The following FOXP1 variants were observed in gnomAD, a reference collection of about 807,000 sequenced individuals.
The protein encoded by FOXP1 is forkhead box P1, also known as forkhead box protein P1.
FOXP1 carries 15 observed loss-of-function variants against 98.2 expected under a neutral mutation model. The observed-to-expected ratio is 0.15, with a 90% confidence interval of 0.10 to 0.24. FOXP1 has a LOEUF of 0.24. Among genes scored for constraint, FOXP1 ranks in the 10% least tolerant of loss-of-function variants. The pLI is 1.00. For missense variants in FOXP1, 633 were observed against 848.5 expected, an observed-to-expected ratio of 0.75 and a Z score of 3.15; for synonymous variants, 371 against 314.5, an observed-to-expected ratio of 1.18 and a Z score of -1.90.
intron 5 of FOXP1, among the ~76,000 whole-genome samples, chr3:71,279,172 C>CAAAAAAAAAAAAAAAAAA (rs11308828): frequency 3.9e-4 from 27 of 69,776 alleles, no homozygotes; most frequent in East Asian, 7.9e-4. Flanking sequence ...AACTCCATCT[C>CAAAAAAAAAAAAAAAAAA]AAAAAAAAAA....
At chr3:71,064,939 G>A (rs909659182) in intron 7 of FOXP1, 174 of 276,848 alleles carry the variant, frequency 6.3e-4, no homozygotes, top group Middle Eastern at 1.8e-3. Context: ...GCGCAGGGGC[G>A]CTCCGGCTCG....
intron 11 of FOXP1, among the ~76,000 whole-genome samples, chr3:71,024,567 C>T (rs536906949): frequency 6.6e-6 from 1 of 152,304 alleles, no homozygotes; most frequent in South Asian, 2.1e-4. Context: ...CTCTCTCACG[C>T]AGGGAATCCT....
intron 3 of FOXP1, among the ~76,000 whole-genome samples, chr3:71,448,053 C>T (rs536368835): frequency 2.0e-5 from 3 of 152,260 alleles, no homozygotes; most frequent in South Asian, 2.1e-4. Context: ...GAACCCTTCA[C>T]GGGTTGATGC....
intron 4 of FOXP1, chr3:71,334,394 C>T (rs1358671712): frequency 6.6e-6 from 1 of 151,576 alleles, no homozygotes; most frequent in Non-Finnish European, 1.5e-5. Flanking sequence ...GGTGACAAAG[C>T]TCAAAACTAA....
At chr3:71,275,445 C>T (rs2070787171) in intron 5 of FOXP1, among the ~76,000 whole-genome samples, 1 of 152,190 alleles carries the variant, frequency 6.6e-6, no homozygotes, top group Admixed American at 6.5e-5. Context: ...CATTTGTGAT[C>T]TAACAGAGTC....
rs77388761 is a variant in FOXP1 at position 71,096,891 on chromosome 3, C to G, written c.282+15645G>C. On this transcript the variant is annotated intron_variant, in intron 7 of 20. Transcript: ENST00000649528. ...AAAATACCCAAAAAATTACTAGTTT[C>G]ACCATTACACCTATCTTAATGCACG... Among the ~76,000 whole-genome samples the G allele has an allele frequency of 6.6e-4, 101 of 152,286 alleles. 1 individual carries two copies. The highest frequency in any genetic ancestry group is 1.4e-3 in the Admixed American group (22 of 15,290).
At chr3:71,090,326 T>C (rs1438590635) in intron 7 of FOXP1, among the ~76,000 whole-genome samples, 1 of 152,226 alleles carries the variant, frequency 6.6e-6, no homozygotes, top group Non-Finnish European at 1.5e-5. Context: ...TCACGATGGC[T>C]GTTAGAAAAC....
At chr3:71,301,723 A>T (rs116482768) in intron 4 of FOXP1, among the ~76,000 whole-genome samples, 1,992 of 152,230 alleles carry the variant, frequency 0.013, 40 homozygotes, top group African/African-American at 0.046. Context: ...TAATTTTTTT[A>T]AAAAACTGCT....
chr3:70,998,564 C>G (rs1311249618), intron 13 of FOXP1, among the ~76,000 whole-genome samples: 1 of 152,136 alleles, frequency 6.6e-6, no homozygotes. Context: ...AACTCCCCGA[C>G]AAAAACATTA....
chr3:71,168,776 G>A (rs547044530), intron 6 of FOXP1, among the ~76,000 whole-genome samples: 24 of 152,192 alleles, frequency 1.6e-4, no homozygotes, highest in Admixed American at 4.6e-4. Flanking sequence ...TTTTTCCCCC[G>A]TTTTTAGGCA....
At chr3:71,347,840 G>A (rs1000562515) in intron 4 of FOXP1, among the ~76,000 whole-genome samples, 3 of 151,614 alleles carry the variant, frequency 2.0e-5, no homozygotes, top group Admixed American at 6.6e-5. Flanking sequence ...AGCAGAGATC[G>A]TGCCACCGAA....
In FOXP1 at chr3:71,067,922, TAA is replaced by T. The variant is rs1213957684; in HGVS notation, c.283-14151_283-14150del. The stretch of plus-strand genomic sequence containing the variant: ...CAGAGCAAGAAACTGTCTTAAAAAA[TAA>T]AAAATAAAATAAAAAAAAAATATAT... On this transcript the variant is annotated intron_variant, in intron 7 of 20. Coordinates refer to ENST00000649528, the MANE Select transcript of FOXP1 (RefSeq NM_001349338.3). Among the ~76,000 whole-genome samples, 3 of 89,488 alleles carry T rather than the reference TAA, an allele frequency of 3.4e-5. No homozygotes were observed. In the South Asian group the frequency reaches 1.3e-3, roughly 38 times the overall value. 58.7% of individuals were successfully genotyped at this position (89,488 alleles called of 152,430 possible). A position where few individuals can be genotyped will look rare whatever the true frequency, so the allele number is the denominator to read the frequency against.
chr3:71,010,231 CA>C (rs1265583094), intron 12 of FOXP1, among the ~76,000 whole-genome samples: 1 of 152,052 alleles, frequency 6.6e-6, no homozygotes, highest in Non-Finnish European at 1.5e-5. Context: ...AAGCAGAAAG[CA>C]AACTGTCAAT....
chr3:71,120,772 G>C (rs1313336364), intron 6 of FOXP1, among the ~76,000 whole-genome samples: 2 of 152,188 alleles, frequency 1.3e-5, no homozygotes, highest in Non-Finnish European at 2.9e-5. Context: ...CCCCACACCA[G>C]CCTGAACCCC....
intron 11 of FOXP1, among the ~76,000 whole-genome samples, chr3:71,027,742 T>C (rs1247703724): frequency 1.3e-5 from 2 of 152,194 alleles, no homozygotes; most frequent in Non-Finnish European, 2.9e-5. Context: ...AATGTATATA[T>C]ACATTTCTCA....
chr3:71,483,968 C>T (rs1210398649), intron 3 of FOXP1, among the ~76,000 whole-genome samples: 2 of 152,102 alleles, frequency 1.3e-5, no homozygotes, highest in African/African-American at 4.8e-5. Context: ...GCACAGACAC[C>T]CACCTATTGG....
intron 5 of FOXP1, among the ~76,000 whole-genome samples, chr3:71,209,470 G>A (rs982588407): frequency 6.6e-6 from 1 of 152,134 alleles, no homozygotes; most frequent in African/African-American, 2.4e-5. Flanking sequence ...CAGATGCAGA[G>A]CATTCTCAAC....
chr3:71,233,336 A>C (rs1292667300), intron 5 of FOXP1, among the ~76,000 whole-genome samples: 4 of 152,078 alleles, frequency 2.6e-5, no homozygotes, highest in Non-Finnish European at 4.4e-5. Context: ...ACTCATAAAA[A>C]ACTGAGGGAG....
intron 7 of FOXP1, among the ~76,000 whole-genome samples, chr3:71,087,904 T>C (rs1400953433): frequency 6.6e-6 from 1 of 152,226 alleles, no homozygotes; most frequent in South Asian, 2.1e-4. Context: ...TTTGCATGTA[T>C]AAGTTTTGTA....
Sources: gnomAD v4.1 joint callset for allele counts (sites outside exome capture counted in the v4.1 genomes callset) on GRCh38, gnomAD v4.1.1 for gene constraint, MANE v1.5 for transcripts, NCBI Gene and HGNC (gene_info 2026-07-23, HGNC 2026-07-21) for gene names.